The following LCTL variants were observed in gnomAD, a reference collection of about 807,000 sequenced individuals.
LCTL encodes lactase-like protein.
A neutral mutation model predicts 75.8 loss-of-function variants in LCTL; 76 were observed. That is an observed-to-expected ratio of 1.00 (90% CI 0.83 to 1.21). LCTL has a LOEUF of 1.21. LCTL is among the 50% of genes most tolerant of loss of function. The probability of loss-of-function intolerance (pLI) is 0.00; values close to 1 mark genes in which losing one functional copy is unlikely to be tolerated. For missense variants in LCTL, 670 were observed against 712.4 expected (o/e 0.94, Z 0.68); for synonymous variants, 271 against 268.8 (o/e 1.01, Z -0.08).
rs111373206 is a variant in LCTL at position 66,561,897 on chromosome 15, G to T, written c.481-582C>A. Among the ~76,000 whole-genome samples the T allele has an allele frequency of 2.5e-3, 385 of 152,210 alleles. 3 individuals are homozygous for T. The highest frequency in any genetic ancestry group is 8.6e-3 in the African/African-American group (356 of 41,518). On this transcript the variant is annotated intron_variant, in intron 4 of 12. Transcript: ENST00000341509. Reference sequence around the variant, plus strand: ...CCCAGTTCCCAGTCATCTTAGCTCAGCACTCGAGGCCTTCGAGGTCTTCCC... The same window carrying T: ...CCCAGTTCCCAGTCATCTTAGCTCATCACTCGAGGCCTTCGAGGTCTTCCC...
At chr15:66,551,834 C>T (rs1265334142) in exon 11 of LCTL, 12 of 1,613,328 alleles carry the variant, frequency 7.4e-6, no homozygotes, top group East Asian at 2.2e-5. Flanking sequence ...GGAAGTATAC[C>T]CCTTTATATT....
At chr15:66,554,074 G>C (rs919319311) in intron 8 of LCTL, among the ~76,000 whole-genome samples, 2 of 151,798 alleles carry the variant, frequency 1.3e-5, no homozygotes, top group African/African-American at 4.8e-5. Flanking sequence ...GGCAGATCAC[G>C]ATGTTTAGGA....
At chr15:66,561,376 A>G (rs1233005163) in intron 4 of LCTL, 61 bp from the exon 6 acceptor site, 14 of 1,600,456 alleles carry the variant, frequency 8.7e-6, no homozygotes, top group Admixed American at 1.7e-5. Context: ...AAATGTGGAG[A>G]TAAGCTGTGT....
chr15:66,559,705 C>T (rs1270927540), intron 6 of LCTL, among the ~76,000 whole-genome samples: 1 of 152,032 alleles, frequency 6.6e-6, no homozygotes, highest in African/African-American at 2.4e-5. Flanking sequence ...GAGAATCTGT[C>T]TCTAAATAAA....
At chr15:66,564,572 T>A in intron 2 of LCTL, 104 bp downstream of exon 3, 2 of 1,305,114 alleles carry the variant, frequency 1.5e-6, no homozygotes, top group Non-Finnish European at 2.1e-6. Flanking sequence ...GATGACATTG[T>A]CATCAGAGCT....
chr15:66,564,131 C>G, intron 2 of LCTL, 133 bp from the exon 4 acceptor site: 1 of 670,406 alleles, frequency 1.5e-6, no homozygotes, highest in Non-Finnish European at 2.7e-6. Flanking sequence ...GCTTCCTCAC[C>G]TGTACAACAG....
At chr15:66,550,297 CAA>C (rs746378568) in intron 11 of LCTL, among the ~76,000 whole-genome samples, 193 bp from the exon 13 acceptor site, 11 of 152,082 alleles carry the variant, frequency 7.2e-5, no homozygotes, top group Non-Finnish European at 1.3e-4. Flanking sequence ...GTGAGGGAGT[CAA>C]AGAACAGTCT....
Position 66,548,606 on chromosome 15 carries a change from C to A in LCTL, c.1589-1G>T. On this transcript the variant is annotated splice_acceptor_variant, in intron 12 of 12. Transcript: ENST00000341509. LOFTEE classifies it high-confidence loss of function. ...ATTTGCATGTGACTTAGCAAGGGCT[C>A]TGAAATGACAAAGAGAACGAGCACC... 6.6e-7 allele frequency: 1 copy of A among 1,524,334 alleles called. No individual in the cohort carries two copies. Among genetic ancestry groups the A allele is most frequent in the South Asian group, 1.1e-5 (1 of 89,094 alleles). The allele number at this position is 1,524,334 out of a possible 1,614,324, so 94.4% of individuals were successfully genotyped here.
chr15:66,560,685 T>C (rs899549373), intron 6 of LCTL, among the ~76,000 whole-genome samples: 2 of 152,182 alleles, frequency 1.3e-5, no homozygotes, highest in Admixed American at 6.5e-5. Context: ...TACTGATTCA[T>C]TGAAGATTTT....
intron 8 of LCTL, among the ~76,000 whole-genome samples, chr15:66,554,145 G>A (rs998691985): frequency 6.6e-6 from 1 of 151,958 alleles, no homozygotes. Context: ...ACAAAAATTA[G>A]CCAGGGGTGG....
intron 4 of LCTL, among the ~76,000 whole-genome samples, chr15:66,562,437 C>T (rs912762189): frequency 8.6e-5 from 13 of 151,538 alleles, no homozygotes; most frequent in Middle Eastern, 6.9e-3. Flanking sequence ...GAAAATATTG[C>T]TTGAATCACA....
intron 6 of LCTL, among the ~76,000 whole-genome samples, chr15:66,560,178 C>A (rs1242428230): frequency 6.6e-6 from 1 of 152,080 alleles, no homozygotes; most frequent in African/African-American, 2.4e-5. Context: ...AAATGTTCTC[C>A]CTGATATGAG....
At chr15:66,562,150 C>A (rs1895903987) in intron 4 of LCTL, among the ~76,000 whole-genome samples, 1 of 152,176 alleles carries the variant, frequency 6.6e-6, no homozygotes, top group South Asian at 2.1e-4. Flanking sequence ...CGCCTGTAAT[C>A]CTAGCACTTT....
Position 66,563,175 on chromosome 15 carries a change from G to A in LCTL, c.480+341C>T, listed in dbSNP as rs1895936867. Among the ~76,000 whole-genome samples the A allele has an allele frequency of 2.0e-5, 3 of 152,094 alleles. No individual in the cohort carries two copies. The South Asian group carries it at 6.2e-4, about 32-fold the overall frequency. ...GGATTAGGTGCCCTTATAAAAAGAG[G>A]GACACGGCATTCAAGGCATCATCTT... On this transcript the variant is annotated intron_variant, in intron 4 of 12. Coordinates refer to ENST00000341509, the Ensembl canonical transcript of LCTL.
At chr15:66,550,010 T>C in intron 12 of LCTL, 31 bp downstream of exon 13, 1 of 1,469,850 alleles carries the variant, frequency 6.8e-7, no homozygotes, top group Non-Finnish European at 9.2e-7. Flanking sequence ...GTTTAATTAT[T>C]AAAGGAAAAC....
intron 4 of LCTL, 124 bp from the exon 6 acceptor site, chr15:66,561,439 A>C: frequency 9.4e-7 from 1 of 1,059,432 alleles, no homozygotes; most frequent in East Asian, 2.4e-5. Context: ...TGGGACTCTC[A>C]TGCCTAGAAA....
intron 5 of LCTL, 26 bp downstream of exon 6, chr15:66,561,161 C>T: frequency 1.2e-6 from 2 of 1,614,144 alleles, no homozygotes; most frequent in Non-Finnish European, 1.7e-6. Flanking sequence ...GTGTCACATT[C>T]TCCCACCTGG....
intron 6 of LCTL, among the ~76,000 whole-genome samples, chr15:66,558,695 T>G (rs1431104959): frequency 2.0e-5 from 3 of 149,030 alleles, no homozygotes; most frequent in Admixed American, 6.8e-5. Context: ...GTGTTTTTTT[T>G]TTTTTTTTTT....
chr15:66,562,992 A>T (rs529667426), intron 4 of LCTL, among the ~76,000 whole-genome samples: 1 of 152,344 alleles, frequency 6.6e-6, no homozygotes, highest in Admixed American at 6.5e-5. Context: ...ACACACATCA[A>T]TTAAAGCAGT....
Sources: allele counts gnomAD v4.1 joint callset (sites outside exome capture counted in the v4.1 genomes callset), GRCh38; gene constraint gnomAD v4.1.1; transcripts MANE v1.5; gene names NCBI Gene and HGNC (gene_info 2026-07-23, HGNC 2026-07-21).